Variants in CHST15 observed in about 807,000 individuals in gnomAD.
The protein encoded by CHST15 is carbohydrate sulfotransferase 15.
Under a neutral mutation model 53.6 loss-of-function variants are expected in CHST15, and 30 were observed. The ratio of observed to expected loss-of-function variants is 0.56; its 90% CI spans 0.42 to 0.76. CHST15 has a LOEUF of 0.76. Among genes scored for constraint, CHST15 ranks in the 30% least tolerant of loss-of-function variants. The pLI, the probability that CHST15 is intolerant of heterozygous loss-of-function variation, is 0.00. For missense variants in CHST15, 627 were observed against 740.5 expected (o/e 0.85, Z 1.78); for synonymous variants, 296 against 289.8 (o/e 1.02, Z -0.22).
intron 7 of CHST15, chr10:124,011,815 T>C (rs1946425555): frequency 1.0e-6 from 1 of 985,302 alleles, no homozygotes; most frequent in African/African-American, 1.7e-5. Context: ...TCCTGGAATT[T>C]CCAAGAATAC....
chr10:124,037,773 T>C (rs1410705328), intron 5 of CHST15, among the ~76,000 whole-genome samples: 1 of 152,202 alleles, frequency 6.6e-6, no homozygotes, highest in Non-Finnish European at 1.5e-5. Context: ...TTCCTTTTGG[T>C]CTCTCAAGGA....
intron 5 of CHST15, among the ~76,000 whole-genome samples, chr10:124,034,369 GAGA>G (rs1564867405): frequency 6.6e-6 from 1 of 152,118 alleles, no homozygotes; most frequent in Non-Finnish European, 1.5e-5. Flanking sequence ...TGGGGTAAGA[GAGA>G]AGAGTTTGGC....
chr10:124,012,634 C>T (rs921153883), intron 6 of CHST15, among the ~76,000 whole-genome samples, 154 bp from the exon 7 acceptor site: 2 of 152,200 alleles, frequency 1.3e-5, no homozygotes, highest in Non-Finnish European at 2.9e-5. Flanking sequence ...GGTGTTCTTG[C>T]TTCTTTATGG....
intron 1 of CHST15, among the ~76,000 whole-genome samples, chr10:124,083,821 G>A (rs1016936507): frequency 4.6e-5 from 7 of 152,278 alleles, no homozygotes; most frequent in African/African-American, 9.6e-5. Context: ...ATGGGGACTC[G>A]GCCTTTCTGG....
Position 124,044,635 on chromosome 10 carries a change from A to G in CHST15, c.831T>C (p.Pro277=), listed in dbSNP as rs776367192. The change falls in exon 3 of 8, where the codon CCT becomes CCC. Residue 277 remains proline, a synonymous_variant. Transcript: ENST00000435907. The part of the protein sequence containing the change: ...TDLYDRLRLH[P]EVKFSAIKEP... ...CCTTGATGGCGGAGAACTTGACCTCAGGGTGCAGCCGCAGGCGGTCATAGA... is the reference window on the plus strand; with the variant it reads ...CCTTGATGGCGGAGAACTTGACCTCGGGGTGCAGCCGCAGGCGGTCATAGA... 5 of 1,596,746 alleles carry G rather than the reference A, an allele frequency of 3.1e-6. No individual in the cohort carries two copies. The South Asian group carries it at 3.3e-5, about 11-fold the overall frequency.
At chr10:124,061,823 C>A (rs1425353990) in intron 1 of CHST15, among the ~76,000 whole-genome samples, 2 of 152,022 alleles carry the variant, frequency 1.3e-5, no homozygotes, top group Non-Finnish European at 2.9e-5. Flanking sequence ...CTCCTTGCCT[C>A]CCTCGTCAGA....
chr10:124,087,826 C>A (rs1382096592), intron 1 of CHST15, among the ~76,000 whole-genome samples: 1 of 152,138 alleles, frequency 6.6e-6, no homozygotes, highest in Non-Finnish European at 1.5e-5. Context: ...GGTCTCCTCT[C>A]TCTGGTTAAT....
At chr10:124,015,129 C>A (rs1435134836) in intron 6 of CHST15, among the ~76,000 whole-genome samples, 1 of 152,194 alleles carries the variant, frequency 6.6e-6, no homozygotes, top group African/African-American at 2.4e-5. Context: ...GTGTGGTCAC[C>A]TGAAGTGACA....
At chr10:124,048,532 C>G (rs1025417527) in intron 1 of CHST15, among the ~76,000 whole-genome samples, 7 of 152,234 alleles carry the variant, frequency 4.6e-5, no homozygotes, top group African/African-American at 1.7e-4. Flanking sequence ...GGATCAACCT[C>G]TGCTTCAAAC....
At chr10:124,030,233 C>T (rs780927751) in intron 5 of CHST15, among the ~76,000 whole-genome samples, 46 of 152,158 alleles carry the variant, frequency 3.0e-4, no homozygotes, top group Non-Finnish European at 4.9e-4. Flanking sequence ...TCTCCCTCCC[C>T]GCTCTGTGAT....
At chr10:124,073,317 G>A (rs929962343) in intron 1 of CHST15, among the ~76,000 whole-genome samples, 9 of 152,182 alleles carry the variant, frequency 5.9e-5, no homozygotes, top group Admixed American at 2.0e-4. Context: ...CAGATATAAA[G>A]GAGAACCACA....
intron 1 of CHST15, among the ~76,000 whole-genome samples, chr10:124,066,664 G>C (rs1409062852): frequency 6.6e-6 from 1 of 152,190 alleles, no homozygotes; most frequent in African/African-American, 2.4e-5. Flanking sequence ...AATCCCAAAG[G>C]TGCTTTTCCT....
chr10:124,091,800 C>T (rs1949607025), intron 1 of CHST15, among the ~76,000 whole-genome samples: 1 of 152,116 alleles, frequency 6.6e-6, no homozygotes, highest in African/African-American at 2.4e-5. Flanking sequence ...AGCCTGGCAG[C>T]CTCCTTCGAA....
rs4072194 is a variant in CHST15 at position 124,021,243 on chromosome 10, G to T, written c.1347+13C>A. ...GGGCCAGCTCGGGGGGTACGGGGGGGGGGGGTACACACAGGCATGGCGTTG... is the reference window on the plus strand; with the variant it reads ...GGGCCAGCTCGGGGGGTACGGGGGGTGGGGGTACACACAGGCATGGCGTTG... On this transcript the variant is annotated intron_variant, in intron 6 of 7. Transcript: ENST00000435907. 77 of 1,541,808 alleles carry T rather than the reference G, an allele frequency of 5.0e-5. No homozygotes were observed. The highest frequency in any genetic ancestry group is 9.8e-5 in the African/African-American group (7 of 71,292).
intron 1 of CHST15, among the ~76,000 whole-genome samples, chr10:124,087,242 A>C (rs1203389200): frequency 6.6e-6 from 1 of 152,158 alleles, no homozygotes; most frequent in African/African-American, 2.4e-5. Flanking sequence ...GGACACAGAA[A>C]AGCAAAAGCA....
At position 124,008,383 on chromosome 10, in the gene CHST15, A is replaced by T. The variant is rs139175468; in HGVS notation, c.*1766T>A. On this transcript the variant is annotated 3_prime_UTR_variant, in exon 8 of 8. Transcript: ENST00000435907. ...CGCGCGCACTGTACTGCAAATAAAT[A>T]TACACACACACTGAAGTGATCTCTC... is the stretch of plus-strand genomic sequence containing the variant. 391 of 1,007,850 alleles carry T rather than the reference A, an allele frequency of 3.9e-4. No homozygotes were observed. The African/African-American group carries it at 6.4e-3, about 16-fold the overall frequency. The allele number at this position is 1,007,850 out of a possible 1,614,324, so 62.4% of individuals were successfully genotyped here. A position where few individuals can be genotyped will look rare whatever the true frequency, so the allele number is the denominator to read the frequency against.
Position 124,046,229 on chromosome 10 carries a change from T to C in CHST15, c.-17A>G. ...GTGCCTCATGGTAGTGCCAGTGCCCTGGGCTGCTGGCTTACCGAGCCATGG... is the reference window on the plus strand; with the variant it reads ...GTGCCTCATGGTAGTGCCAGTGCCCCGGGCTGCTGGCTTACCGAGCCATGG... On this transcript the variant is annotated 5_prime_UTR_variant, in exon 2 of 8. Coordinates refer to ENST00000435907, the MANE Select transcript of CHST15 (RefSeq NM_001270764.2). 6.4e-7 allele frequency: 1 copy of C among 1,562,790 alleles called. No homozygotes were observed. The highest frequency in any genetic ancestry group is 8.7e-7 in the Non-Finnish European group (1 of 1,153,480).
intron 1 of CHST15, among the ~76,000 whole-genome samples, chr10:124,079,875 C>T (rs921778665): frequency 2.0e-5 from 3 of 152,214 alleles, no homozygotes; most frequent in African/African-American, 7.2e-5. Flanking sequence ...ACCTAGGCTG[C>T]ATGGAACTGT....
intron 1 of CHST15, among the ~76,000 whole-genome samples, chr10:124,082,114 G>A (rs147472029): frequency 2.6e-5 from 4 of 152,264 alleles, no homozygotes; most frequent in African/African-American, 7.2e-5. Context: ...AGACAGATGG[G>A]TGAAAGGAAA....
Sources: gnomAD v4.1 joint callset for allele counts (sites outside exome capture counted in the v4.1 genomes callset) on GRCh38, gnomAD v4.1.1 for gene constraint, MANE v1.5 for transcripts, NCBI Gene and HGNC (gene_info 2026-07-23, HGNC 2026-07-21) for gene names.